Variants in CUX1 observed in about 807,000 individuals in gnomAD.
CUX1 encodes protein CASP.
In CUX1, 31 loss-of-function variants were observed where a neutral mutation model predicts 158.8. The observed-to-expected ratio is 0.20, with a 90% CI of 0.15 to 0.26. CUX1 has a LOEUF of 0.26. CUX1 is among the 10% of genes least tolerant of loss of function. The pLI, the probability that CUX1 is intolerant of heterozygous loss-of-function variation, is 1.00. For missense variants in CUX1, 1,589 were observed against 2,014.6 expected (o/e 0.79, Z 4.04); for synonymous variants, 879 against 862.1 (o/e 1.02, Z -0.34).
At chr7:101,816,923 C>T (rs1262665803), upstream of CUX1, 1 of 981,744 alleles carries the variant, frequency 1.0e-6, no homozygotes, top group Non-Finnish European at 1.2e-6. Context: ...GGCGCGGACC[C>T]CCGGGTTTGT....
intron 2 of CUX1, among the ~76,000 whole-genome samples, chr7:101,978,376 T>C (rs577166906): frequency 6.6e-6 from 1 of 152,128 alleles, no homozygotes; most frequent in Non-Finnish European, 1.5e-5. Flanking sequence ...AACCTAGGTG[T>C]GCCCTGGGGC....
At chr7:102,147,212 T>G (rs1292051002) in intron 8 of CUX1, among the ~76,000 whole-genome samples, 1 of 152,148 alleles carries the variant, frequency 6.6e-6, no homozygotes, top group Non-Finnish European at 1.5e-5. Context: ...TCCCCTCTAC[T>G]TCTGCCAAAG....
chr7:102,047,746 G>T (rs1474287610), intron 3 of CUX1, among the ~76,000 whole-genome samples: 1 of 152,150 alleles, frequency 6.6e-6, no homozygotes, highest in African/African-American at 2.4e-5. Flanking sequence ...AATTTCTAGG[G>T]TATTTTATTT....
At chr7:101,988,696 G>C (rs1427923010) in intron 2 of CUX1, among the ~76,000 whole-genome samples, 1 of 152,098 alleles carries the variant, frequency 6.6e-6, no homozygotes, top group Non-Finnish European at 1.5e-5. Flanking sequence ...CCTTGCGACA[G>C]AGTCCTGCGT....
intron 2 of CUX1, among the ~76,000 whole-genome samples, chr7:101,985,195 T>C (rs1273237725): frequency 6.6e-6 from 1 of 152,216 alleles, no homozygotes; most frequent in Admixed American, 6.5e-5. Context: ...CAGTAACAAA[T>C]TGCTATGTGT....
At chr7:102,123,692 T>C (rs1337696202) in intron 8 of CUX1, among the ~76,000 whole-genome samples, 2 of 151,884 alleles carry the variant, frequency 1.3e-5, no homozygotes, top group Non-Finnish European at 2.9e-5. Context: ...AGACAGGGTC[T>C]CACTCTGTCA....
chr7:102,158,127 C>G (rs1789990344), intron 8 of CUX1, among the ~76,000 whole-genome samples: 1 of 152,080 alleles, frequency 6.6e-6, no homozygotes, highest in Admixed American at 6.5e-5. Context: ...TCACCCCCAG[C>G]CTGGCAAACT....
At chr7:102,265,940 A>G (rs1790773687) in intron 14 of CUX1, among the ~76,000 whole-genome samples, 1 of 152,086 alleles carries the variant, frequency 6.6e-6, no homozygotes, top group South Asian at 2.1e-4. Flanking sequence ...GCAGTGGCTC[A>G]CGCCTGTAAT....
chr7:102,196,921 A>G lies in CUX1; in HGVS notation c.1510A>G (p.Ser504Gly). The G allele has an allele frequency of 6.2e-7, 1 of 1,614,194 alleles. No individual in the cohort carries two copies. Among genetic ancestry groups the G allele is most frequent in the Non-Finnish European group, 8.5e-7 (1 of 1,180,046 alleles). ...SKAMQEAGST[S>G]MIFSTGPYST... ...GGCTATGCAGGAAGCCGGAAGCACA[A>G]GCATGATTTTTTCAACAGGTCCATA... Residue 504 changes from serine (S) to glycine (G), a missense_variant, in exon 15 of 24, where the codon AGC becomes GGC. Ser to Gly is a moderately conservative substitution (Grantham distance 56). This residue lies in a region of CUX1 where 515 missense variants were observed against 574.4 expected (regional missense o/e 0.90). Coordinates refer to ENST00000292535, the MANE Select transcript of CUX1 (RefSeq NM_181552.4).
intron 2 of CUX1, among the ~76,000 whole-genome samples, chr7:101,980,441 C>T (rs764528438): frequency 7.2e-5 from 11 of 152,248 alleles, no homozygotes; most frequent in Non-Finnish European, 1.0e-4. Flanking sequence ...CCCGAGAGGT[C>T]GAGGCTGCAG....
intron 9 of CUX1, among the ~76,000 whole-genome samples, chr7:102,167,801 C>T (rs782401705): frequency 8.6e-5 from 13 of 152,024 alleles, no homozygotes; most frequent in Non-Finnish European, 1.8e-4. Context: ...TTGATTAGGT[C>T]GGATGCAGTG....
At chr7:101,820,538 A>T (rs1400977123) in intron 1 of CUX1, among the ~76,000 whole-genome samples, 2 of 152,206 alleles carry the variant, frequency 1.3e-5, no homozygotes, top group Non-Finnish European at 2.9e-5. Flanking sequence ...AAATTATTGA[A>T]TACATAACTT....
At chr7:102,006,545 C>T (rs147809608) in intron 2 of CUX1, among the ~76,000 whole-genome samples, 23 of 152,178 alleles carry the variant, frequency 1.5e-4, no homozygotes, top group South Asian at 4.1e-4. Context: ...TACAGGAGCG[C>T]GCCACCACAC....
At chr7:102,237,432 C>T (rs1007830779) in intron 22 of CUX1, among the ~76,000 whole-genome samples, 2 of 151,962 alleles carry the variant, frequency 1.3e-5, no homozygotes, top group Admixed American at 6.6e-5. Flanking sequence ...TACAGGTGCA[C>T]GCCACCACAC....
At chr7:102,094,803 C>T (rs1354606175) in intron 4 of CUX1, among the ~76,000 whole-genome samples, 5 of 152,126 alleles carry the variant, frequency 3.3e-5, no homozygotes, top group African/African-American at 7.2e-5. Context: ...AGGCTGTGAA[C>T]GGGCTGTTCA....
intron 1 of CUX1, among the ~76,000 whole-genome samples, chr7:101,820,057 G>T (rs1792300808): frequency 6.6e-6 from 1 of 152,174 alleles, no homozygotes; most frequent in South Asian, 2.1e-4. Context: ...ACCCATCAGG[G>T]TTTATATGGG....
At chr7:101,825,114 A>G (rs1793110633) in intron 1 of CUX1, among the ~76,000 whole-genome samples, 1 of 152,208 alleles carries the variant, frequency 6.6e-6, no homozygotes, top group Non-Finnish European at 1.5e-5. Context: ...CCAACCTTTC[A>G]AAAGAAAAAG....
In CUX1 at chr7:101,834,564, A is replaced by G. The variant is rs1794420167; in HGVS notation, c.30+16895A>G. On this transcript the variant is annotated intron_variant, in intron 1 of 23. Coordinates refer to ENST00000292535, the MANE Select transcript of CUX1 (RefSeq NM_181552.4). ...TTCCTTTTTTTAGAGAGGACCAAGA[A>G]GGTGCAGAGTACTCTTGAAAAGAAA... is the stretch of plus-strand genomic sequence containing the variant. Among the ~76,000 whole-genome samples, 5 of 152,326 alleles carry G rather than the reference A, an allele frequency of 3.3e-5. No homozygotes were observed. The South Asian group carries it at 1.0e-3, about 32-fold the overall frequency.
chr7:101,819,509 C>T (rs962684411), intron 1 of CUX1, among the ~76,000 whole-genome samples: 6 of 152,180 alleles, frequency 3.9e-5, no homozygotes, highest in Non-Finnish European at 7.3e-5. Flanking sequence ...GCTGAAAGTC[C>T]ATTTTCTGAT....
Sources: gnomAD v4.1 joint callset for allele counts (sites outside exome capture counted in the v4.1 genomes callset) on GRCh38, gnomAD v4.1.1 for gene constraint, gnomAD v4.1.1 regional missense constraint, MANE v1.5 for transcripts, NCBI Gene and HGNC (gene_info 2026-07-23, HGNC 2026-07-21) for gene names.